The following FARS2 variants were observed in gnomAD, a reference collection of about 807,000 sequenced individuals.
FARS2 encodes the protein phenylalanyl-tRNA synthetase 2, mitochondrial, also known as phenylalanine--tRNA ligase, mitochondrial.
Under a neutral mutation model 46.4 loss-of-function variants are expected in FARS2, and 40 were observed. That is an observed-to-expected ratio of 0.86 (90% CI 0.67 to 1.12). The LOEUF (loss-of-function observed/expected upper bound fraction) is 1.12, where lower values mean the gene tolerates loss of function less well. Among genes scored for constraint, FARS2 ranks in the 50% most tolerant of loss-of-function variants. The pLI, the probability that FARS2 is intolerant of heterozygous loss-of-function variation, is 0.00. For missense variants in FARS2, 513 were observed against 567.9 expected (o/e 0.90, Z 0.98); for synonymous variants, 234 against 214.9 (o/e 1.09, Z -0.78).
At chr6:5,515,572 A>G (rs1768734958) in intron 4 of FARS2, among the ~76,000 whole-genome samples, 2 of 152,060 alleles carry the variant, frequency 1.3e-5, no homozygotes, top group Non-Finnish European at 2.9e-5. Flanking sequence ...GGGATTATAG[A>G]TGTGCACCAG....
chr6:5,270,754 G>A (rs1218074930), intron 1 of FARS2, among the ~76,000 whole-genome samples: 1 of 152,108 alleles, frequency 6.6e-6, no homozygotes, highest in South Asian at 2.1e-4. Flanking sequence ...CGACTATGGC[G>A]CTTACCCACT....
At chr6:5,590,393 G>A (rs557070466) in intron 5 of FARS2, among the ~76,000 whole-genome samples, 6 of 152,300 alleles carry the variant, frequency 3.9e-5, no homozygotes, top group South Asian at 2.1e-4. Flanking sequence ...CAGCCAGCCC[G>A]GTTGAGAGCC....
chr6:5,400,618 T>C (rs1761198859), intron 2 of FARS2, among the ~76,000 whole-genome samples: 1 of 110,174 alleles, frequency 9.1e-6, no homozygotes. Flanking sequence ...GTAAGTTTAA[T>C]ATGTGTGTAT....
At chr6:5,492,629 A>G (rs1048778723) in intron 4 of FARS2, among the ~76,000 whole-genome samples, 2 of 152,256 alleles carry the variant, frequency 1.3e-5, no homozygotes, top group African/African-American at 2.4e-5. Flanking sequence ...GGCAGTTGGC[A>G]TATTTTCTAT....
chr6:5,750,419 G>A (rs1337317822), intron 6 of FARS2, among the ~76,000 whole-genome samples: 6 of 152,136 alleles, frequency 3.9e-5, no homozygotes, highest in Non-Finnish European at 7.4e-5. Context: ...CAGACAAGAT[G>A]GCAGTGGGCT....
chr6:5,745,583 G>T (rs181889767), intron 6 of FARS2, among the ~76,000 whole-genome samples: 2 of 152,160 alleles, frequency 1.3e-5, no homozygotes, highest in Non-Finnish European at 2.9e-5. Flanking sequence ...CTGTCACCCA[G>T]GCTGGAGTGC....
At chr6:5,428,483 T>G (rs1009724864) in intron 3 of FARS2, among the ~76,000 whole-genome samples, 1 of 152,164 alleles carries the variant, frequency 6.6e-6, no homozygotes, top group Non-Finnish European at 1.5e-5. Flanking sequence ...AGGCCAAATA[T>G]CCAAAGCCAT....
intron 3 of FARS2, among the ~76,000 whole-genome samples, chr6:5,408,608 A>G (rs1440749713): frequency 1.3e-5 from 2 of 152,174 alleles, no homozygotes; most frequent in African/African-American, 2.4e-5. Flanking sequence ...AAAAGTTGTG[A>G]TGATACTTGC....
At chr6:5,635,115 A>C (rs1468524090) in intron 6 of FARS2, among the ~76,000 whole-genome samples, 1 of 152,222 alleles carries the variant, frequency 6.6e-6, no homozygotes, top group African/African-American at 2.4e-5. Flanking sequence ...TTTGGGTTTA[A>C]CAGTGAACCG....
At chr6:5,473,137 T>G (rs948935520) in intron 4 of FARS2, among the ~76,000 whole-genome samples, 1 of 152,154 alleles carries the variant, frequency 6.6e-6, no homozygotes, top group Non-Finnish European at 1.5e-5. Context: ...AACACTACAT[T>G]TAAATAATGC....
intron 2 of FARS2, among the ~76,000 whole-genome samples, chr6:5,373,605 T>C (rs1414154581): frequency 1.3e-5 from 2 of 152,156 alleles, no homozygotes; most frequent in Non-Finnish European, 2.9e-5. Flanking sequence ...TTTATGCCAT[T>C]GTATTCAAGC....
At chr6:5,274,094 C>T (rs985611740) in intron 1 of FARS2, among the ~76,000 whole-genome samples, 3 of 152,176 alleles carry the variant, frequency 2.0e-5, no homozygotes, top group African/African-American at 7.2e-5. Flanking sequence ...TTCGTACGCT[C>T]CACAGTTTCA....
chr6:5,658,780 A>T (rs1362892787), intron 6 of FARS2, among the ~76,000 whole-genome samples: 1 of 152,202 alleles, frequency 6.6e-6, no homozygotes, highest in Non-Finnish European at 1.5e-5. Context: ...TCTTCCCCCC[A>T]CCCCAATAAC....
intron 6 of FARS2, among the ~76,000 whole-genome samples, chr6:5,732,345 C>G (rs1454377063): frequency 2.0e-5 from 3 of 152,118 alleles, no homozygotes; most frequent in African/African-American, 7.2e-5. Flanking sequence ...GTTCAGCCTC[C>G]TAGGGAGGCA....
chr6:5,579,983 A>C (rs775588487), intron 5 of FARS2, among the ~76,000 whole-genome samples: 6 of 152,120 alleles, frequency 3.9e-5, no homozygotes, highest in Non-Finnish European at 8.8e-5. Context: ...CTTTGTCAGA[A>C]CATAGGGCCT....
At chr6:5,546,573 A>G (rs1158369933) in intron 5 of FARS2, among the ~76,000 whole-genome samples, 1 of 151,650 alleles carries the variant, frequency 6.6e-6, no homozygotes, top group African/African-American at 2.4e-5. Flanking sequence ...TTTTCCAACA[A>G]TTCTACTCCA....
intron 5 of FARS2, among the ~76,000 whole-genome samples, chr6:5,547,623 ACCAGCTTCTT>A (rs1771114472): frequency 6.6e-6 from 1 of 152,152 alleles, no homozygotes; most frequent in Non-Finnish European, 1.5e-5. Flanking sequence ...CCATCCACTT[ACCAGCTTCTT>A]CCACCACCAG....
intron 4 of FARS2, among the ~76,000 whole-genome samples, chr6:5,504,490 G>A (rs556997714): frequency 1.3e-5 from 2 of 149,244 alleles, no homozygotes; most frequent in Admixed American, 1.3e-4. Flanking sequence ...GGTAGGATTT[G>A]CTCTGAGCTT....
intron 5 of FARS2, among the ~76,000 whole-genome samples, chr6:5,553,503 T>C (rs1771487378): frequency 6.6e-6 from 1 of 152,196 alleles, no homozygotes. Context: ...ATATTATGTA[T>C]GTGGCTCAAT....
Sources: gnomAD v4.1 joint callset for allele counts (sites outside exome capture counted in the v4.1 genomes callset) on GRCh38, gnomAD v4.1.1 for gene constraint, MANE v1.5 for transcripts, NCBI Gene and HGNC (gene_info 2026-07-23, HGNC 2026-07-21) for gene names.